Variants in FAF1 observed in about 807,000 individuals in gnomAD.
The protein encoded by FAF1 is Fas associated factor 1, also known as FAS-associated factor 1.
In FAF1, 25 loss-of-function variants were observed where a neutral mutation model predicts 92.5. The observed-to-expected ratio is 0.27, with a 90% CI of 0.20 to 0.38. The LOEUF is 0.38. FAF1 is among the 10% of genes least tolerant of loss of function. FAF1 has a pLI of 1.00. For synonymous variants in FAF1, 234 were observed against 273.2 expected (o/e 0.86, Z 1.42); for missense variants, 636 against 793.3 (o/e 0.80, Z 2.38).
chr1:50,693,841 T>C (rs911779140), intron 7 of FAF1, among the ~76,000 whole-genome samples: 2 of 152,026 alleles, frequency 1.3e-5, no homozygotes, highest in Admixed American at 1.3e-4. Flanking sequence ...AATGGTTCAA[T>C]TGAAGCACAC....
At chr1:50,950,676 T>C (rs777612389) in intron 1 of FAF1, among the ~76,000 whole-genome samples, 6 of 152,254 alleles carry the variant, frequency 3.9e-5, no homozygotes, top group Non-Finnish European at 7.3e-5. Flanking sequence ...AGAGACACTA[T>C]GTGCATTCCA....
chr1:50,694,793 A>G (rs1288581306), intron 7 of FAF1, among the ~76,000 whole-genome samples: 6 of 102,564 alleles, frequency 5.9e-5, no homozygotes, highest in Non-Finnish European at 1.2e-4. Flanking sequence ...TAAAAAATAC[A>G]AAAAAAAAAA....
intron 4 of FAF1, among the ~76,000 whole-genome samples, chr1:50,749,627 A>T (rs1659771601): frequency 6.6e-6 from 1 of 152,130 alleles, no homozygotes; most frequent in Non-Finnish European, 1.5e-5. Context: ...CACTGCAAAA[A>T]ATTTTTAATA....
At chr1:50,957,201 T>C (rs1286074949) in intron 1 of FAF1, among the ~76,000 whole-genome samples, 1 of 152,148 alleles carries the variant, frequency 6.6e-6, no homozygotes, top group African/African-American at 2.4e-5. Flanking sequence ...TTTGACAATA[T>C]AAAATTAACA....
chr1:50,775,052 C>G (rs1045718177), intron 4 of FAF1, among the ~76,000 whole-genome samples: 1 of 152,088 alleles, frequency 6.6e-6, no homozygotes, highest in African/African-American at 2.4e-5. Context: ...GGTGCATAAT[C>G]TGATTGAGCA....
chr1:50,586,213 A>T (rs1264750726), intron 9 of FAF1, among the ~76,000 whole-genome samples: 4 of 152,192 alleles, frequency 2.6e-5, no homozygotes, highest in Non-Finnish European at 5.9e-5. Flanking sequence ...CCCAAACAAA[A>T]TATTACAATA....
intron 1 of FAF1, among the ~76,000 whole-genome samples, chr1:50,899,252 C>A (rs1016372510): frequency 5.9e-5 from 9 of 152,134 alleles, no homozygotes; most frequent in Admixed American, 3.3e-4. Flanking sequence ...CTTTCCTTAA[C>A]CTATTCATGC....
intron 4 of FAF1, among the ~76,000 whole-genome samples, chr1:50,755,239 C>T (rs751158880): frequency 7.9e-5 from 12 of 152,134 alleles, no homozygotes; most frequent in South Asian, 4.1e-4. Flanking sequence ...ATGGGGGTAC[C>T]GGCATTGGAT....
chr1:50,447,776 G>C lies in FAF1; in HGVS notation c.1870-6253C>G, dbSNP rs569592483. Among the ~76,000 whole-genome samples, 5 of 152,310 alleles carry C rather than the reference G, an allele frequency of 3.3e-5. No homozygotes were observed. The South Asian group carries it at 1.0e-3, about 32-fold the overall frequency. ...ATTAGACACAGACAGAGCAAAATAA[G>C]TTTCTCCAAGCTTTAGGAAATCCAT... On this transcript the variant is annotated intron_variant, in intron 18 of 18. Coordinates refer to ENST00000396153, the MANE Select transcript of FAF1 (RefSeq NM_007051.3).
rs199911765 is a variant in FAF1 at position 50,798,819 on chromosome 1, A to AAGAC, written c.161+2808_161+2811dup. ...ATAACTATAAAAAACCAAGCTGTGGAAGACAGACATTATGTACATGTATTG... is the reference window on the plus strand; with the variant it reads ...ATAACTATAAAAAACCAAGCTGTGGAAGACAGACAGACATTATGTACATGTATTG... On this transcript the variant is annotated intron_variant, in intron 3 of 18. Coordinates refer to ENST00000396153, the MANE Select transcript of FAF1 (RefSeq NM_007051.3). Among the ~76,000 whole-genome samples, 58 of 152,362 alleles carry AAGAC rather than the reference A, an allele frequency of 3.8e-4. 2 individuals are homozygous for AAGAC. In the East Asian group the frequency reaches 0.01, roughly 27 times the overall value.
At chr1:50,707,612 T>A (rs905298818) in intron 6 of FAF1, among the ~76,000 whole-genome samples, 1 of 151,508 alleles carries the variant, frequency 6.6e-6, no homozygotes, top group Non-Finnish European at 1.5e-5. Context: ...GAGAATCACT[T>A]GAACCCAGAA....
intron 18 of FAF1, among the ~76,000 whole-genome samples, chr1:50,449,992 C>T (rs924572565): frequency 2.0e-5 from 3 of 151,308 alleles, no homozygotes; most frequent in South Asian, 2.1e-4. Context: ...GTCAGGAGTT[C>T]GAGACCAGCC....
Position 50,655,539 on chromosome 1 carries a change from A to G in FAF1, c.658-11T>C, listed in dbSNP as rs1042267203. 6.5e-7 allele frequency: 1 copy of G among 1,528,728 alleles called. No homozygotes were observed. Among genetic ancestry groups the G allele is most frequent in the South Asian group, 1.1e-5 (1 of 88,214 alleles). The allele number at this position is 1,528,728 out of a possible 1,614,324, so 94.7% of individuals were successfully genotyped here. A position where few individuals can be genotyped will look rare whatever the true frequency, so the allele number is the denominator to read the frequency against. On this transcript the variant is annotated splice_polypyrimidine_tract_variant and intron_variant, in intron 7 of 18. Transcript: ENST00000396153. Reference sequence around the variant, plus strand: ...CACATTTCTCTTTACCTATGAAAAGAAAGAAACAGGACAATTAAAATAGAA... The same window carrying G: ...CACATTTCTCTTTACCTATGAAAAGGAAGAAACAGGACAATTAAAATAGAA...
rs1644111128 is a variant in FAF1, at chr1:50,827,421, T to C, written c.115-25744A>G. Among the ~76,000 whole-genome samples, 7 of 152,298 alleles carry C rather than the reference T, an allele frequency of 4.6e-5. No homozygotes were observed. In the South Asian group the frequency reaches 1.5e-3, roughly 32 times the overall value. On this transcript the variant is annotated intron_variant, in intron 2 of 18. Coordinates refer to ENST00000396153, the MANE Select transcript of FAF1 (RefSeq NM_007051.3). ...AAGATGTGCTTTGTTAAACAGATGC[T>C]TGAAGGCAGCATGCTCCTTAAGAGT...
At chr1:50,879,960 A>C (rs1415224479) in intron 1 of FAF1, among the ~76,000 whole-genome samples, 1 of 152,206 alleles carries the variant, frequency 6.6e-6, no homozygotes, top group Non-Finnish European at 1.5e-5. Flanking sequence ...AGAAACACTG[A>C]ACCAACAACA....
chr1:50,540,271 A>G (rs1648701706), intron 13 of FAF1, among the ~76,000 whole-genome samples: 1 of 152,072 alleles, frequency 6.6e-6, no homozygotes, highest in African/African-American at 2.4e-5. Flanking sequence ...TGCACCCGGC[A>G]GGATTCTTAG....
chr1:50,501,989 A>C (rs113001878), intron 15 of FAF1, among the ~76,000 whole-genome samples: 7,343 of 152,326 alleles, frequency 0.048, 212 homozygotes, highest in East Asian at 0.075. Flanking sequence ...ACATTCAAAA[A>C]ATTGTGAAAA....
At chr1:50,606,000 T>C (rs1652365352) in intron 8 of FAF1, among the ~76,000 whole-genome samples, 2 of 152,212 alleles carry the variant, frequency 1.3e-5, no homozygotes, top group African/African-American at 4.8e-5. Flanking sequence ...CTCAGTTTCC[T>C]TGTCTGAGAA....
At chr1:50,544,526 T>A (rs1648915150) in intron 13 of FAF1, among the ~76,000 whole-genome samples, 1 of 152,224 alleles carries the variant, frequency 6.6e-6, no homozygotes, top group Admixed American at 6.5e-5. Context: ...CTTTAATCTG[T>A]CTCTGAAGGC....
Sources: gnomAD v4.1 joint callset for allele counts (sites outside exome capture counted in the v4.1 genomes callset) on GRCh38, gnomAD v4.1.1 for gene constraint, MANE v1.5 for transcripts, NCBI Gene and HGNC (gene_info 2026-07-23, HGNC 2026-07-21) for gene names.